LCLAT1: variants seen among roughly 807,000 people sequenced by gnomAD.
LCLAT1 encodes 1-AGP acyltransferase 8.
Under a neutral mutation model 30.7 loss-of-function variants are expected in LCLAT1, and 11 were observed. The ratio of observed to expected loss-of-function variants is 0.36; its 90% confidence interval spans 0.23 to 0.59. The LOEUF (loss-of-function observed/expected upper bound fraction) is 0.59, where lower values mean the gene tolerates loss of function less well. LCLAT1 is among the 20% of genes least tolerant of loss of function. The pLI, the probability that LCLAT1 is intolerant of heterozygous loss-of-function variation, is 0.77. For synonymous variants in LCLAT1, 155 were observed against 151.3 expected, an observed-to-expected ratio of 1.02 and a Z score of -0.18; for missense variants, 402 against 458.6, an observed-to-expected ratio of 0.88 and a Z score of 1.13.
intron 4 of LCLAT1, 21 bp downstream of exon 4, chr2:30,562,313 C>T: frequency 6.4e-7 from 1 of 1,565,604 alleles, no homozygotes. Flanking sequence ...CTGGGTTTGG[C>T]AAAGTTAGAA....
At chr2:30,471,981 A>G (rs778526499) in intron 1 of LCLAT1, among the ~76,000 whole-genome samples, 66 of 152,354 alleles carry the variant, frequency 4.3e-4, no homozygotes, top group Non-Finnish European at 7.6e-4. Context: ...ATCCCTGAGC[A>G]TGAAATATGA....
At chr2:30,573,962 G>A (rs938732484) in intron 5 of LCLAT1, among the ~76,000 whole-genome samples, 5 of 151,942 alleles carry the variant, frequency 3.3e-5, no homozygotes, top group Non-Finnish European at 5.9e-5. Context: ...TTAAGATGAC[G>A]AAACCCCATC....
At chr2:30,532,574 A>G (rs1352374751) in intron 2 of LCLAT1, among the ~76,000 whole-genome samples, 3 of 152,122 alleles carry the variant, frequency 2.0e-5, no homozygotes, top group African/African-American at 4.8e-5. Context: ...GAACATTACT[A>G]TTTTCTAGGT....
intron 1 of LCLAT1, among the ~76,000 whole-genome samples, chr2:30,518,147 A>G (rs1354257157): frequency 2.0e-5 from 3 of 152,274 alleles, no homozygotes; most frequent in Non-Finnish European, 4.4e-5. Context: ...TACTGACTCA[A>G]AAATCTTAAA....
intron 5 of LCLAT1, among the ~76,000 whole-genome samples, chr2:30,610,042 G>T (rs1667658619): frequency 6.6e-6 from 1 of 152,058 alleles, no homozygotes; most frequent in Admixed American, 6.6e-5. Flanking sequence ...AAGGATATAG[G>T]ACAAATATGC....
intron 1 of LCLAT1, among the ~76,000 whole-genome samples, chr2:30,504,162 A>T (rs531946340): frequency 6.6e-6 from 1 of 152,234 alleles, no homozygotes; most frequent in Admixed American, 6.5e-5. Flanking sequence ...ATAAACATAT[A>T]CAACATATTA....
intron 5 of LCLAT1, among the ~76,000 whole-genome samples, chr2:30,595,063 C>A (rs1666868606): frequency 6.6e-6 from 1 of 152,046 alleles, no homozygotes; most frequent in Non-Finnish European, 1.5e-5. Flanking sequence ...TTAATCATAG[C>A]CTTTTTGTGA....
intron 1 of LCLAT1, among the ~76,000 whole-genome samples, chr2:30,522,556 C>A (rs1158647385): frequency 6.6e-6 from 1 of 152,172 alleles, no homozygotes; most frequent in African/African-American, 2.4e-5. Flanking sequence ...GAGAGCTTTG[C>A]AATTTCTGTC....
At chr2:30,616,221 A>G (rs191441908) in intron 5 of LCLAT1, among the ~76,000 whole-genome samples, 7 of 152,318 alleles carry the variant, frequency 4.6e-5, no homozygotes, top group African/African-American at 1.7e-4. Flanking sequence ...AGTACTTAGC[A>G]GGAGAAAGTT....
chr2:30,566,039 A>T (rs1665469832), intron 4 of LCLAT1, among the ~76,000 whole-genome samples: 1 of 152,132 alleles, frequency 6.6e-6, no homozygotes, highest in Non-Finnish European at 1.5e-5. Flanking sequence ...TGGGAGAATT[A>T]CAGGGAGTAA....
rs1463846052 is a variant in LCLAT1, at chr2:30,459,816, G to C, written c.-5+12433G>C. On this transcript the variant is annotated intron_variant, in intron 1 of 5. Coordinates refer to ENST00000379509, the MANE Select transcript of LCLAT1 (RefSeq NM_001002257.3). ...TTTGAATTGATCATAGTTTGTTCCT[G>C]TTTATGTTGTATTGTTGACATGTTC... 8.5e-6 allele frequency: 7 copies of C among 827,964 alleles called. 1 individual carries two copies. In the South Asian group the frequency reaches 1.1e-4, roughly 13 times the overall value. The allele number at this position is 827,964 out of a possible 1,614,324, so 51.3% of individuals were successfully genotyped here. A position where few individuals can be genotyped will look rare whatever the true frequency, so the allele number is the denominator to read the frequency against.
intron 1 of LCLAT1, among the ~76,000 whole-genome samples, chr2:30,482,234 C>G (rs927280153): frequency 6.6e-6 from 1 of 152,138 alleles, no homozygotes. Flanking sequence ...AAACTAAGCA[C>G]TGTTTCTGTG....
chr2:30,630,444 AG>A (rs1176687452), intron 5 of LCLAT1, among the ~76,000 whole-genome samples: 1 of 152,208 alleles, frequency 6.6e-6, no homozygotes, highest in African/African-American at 2.4e-5. Context: ...GAAGGAAATC[AG>A]TTGGTATGAT....
intron 3 of LCLAT1, among the ~76,000 whole-genome samples, chr2:30,547,712 G>C (rs1664489308): frequency 1.7e-5 from 2 of 114,644 alleles, no homozygotes. Context: ...GACATCAGGA[G>C]GATGGCATAG....
intron 5 of LCLAT1, among the ~76,000 whole-genome samples, chr2:30,631,238 G>T (rs1184086922): frequency 6.6e-6 from 1 of 152,198 alleles, no homozygotes; most frequent in Non-Finnish European, 1.5e-5. Flanking sequence ...CTTTCTGTAT[G>T]TGGTTTTCTT....
At chr2:30,608,460 T>G (rs1667572807) in intron 5 of LCLAT1, among the ~76,000 whole-genome samples, 2 of 152,054 alleles carry the variant, frequency 1.3e-5, no homozygotes, top group Non-Finnish European at 2.9e-5. Flanking sequence ...GGCCTTCACA[T>G]TCACTCACCC....
At chr2:30,532,237 A>G (rs1227769226) in intron 2 of LCLAT1, among the ~76,000 whole-genome samples, 1 of 152,116 alleles carries the variant, frequency 6.6e-6, no homozygotes, top group East Asian at 1.9e-4. Flanking sequence ...TTTCCATTAT[A>G]TGAGTATACC....
chr2:30,561,649 G>A (rs968235765), intron 3 of LCLAT1, among the ~76,000 whole-genome samples: 11 of 152,286 alleles, frequency 7.2e-5, no homozygotes, highest in Non-Finnish European at 1.5e-4. Flanking sequence ...GACATAGAAA[G>A]TGGCTAACAT....
At chr2:30,468,358 A>G (rs900512609) in intron 1 of LCLAT1, among the ~76,000 whole-genome samples, 3 of 152,150 alleles carry the variant, frequency 2.0e-5, no homozygotes, top group Admixed American at 6.5e-5. Context: ...GCCTTGTAGT[A>G]TAGTTGGAAG....
Sources: allele counts gnomAD v4.1 joint callset (sites outside exome capture counted in the v4.1 genomes callset), GRCh38; gene constraint gnomAD v4.1.1; transcripts MANE v1.5; gene names NCBI Gene and HGNC (gene_info 2026-07-23, HGNC 2026-07-21).